The following PCDHGB3 variants were observed in gnomAD, a reference collection of about 807,000 sequenced individuals.
PCDHGB3 encodes the protein protocadherin gamma subfamily B, 3, also known as protocadherin gamma-B3.
PCDHGB3 carries 40 observed loss-of-function variants against 59.2 expected under a neutral mutation model. The observed-to-expected ratio is 0.68, with a 90% confidence interval of 0.52 to 0.88. The LOEUF (loss-of-function observed/expected upper bound fraction) is 0.88, where lower values mean the gene tolerates loss of function less well. Among genes scored for constraint, PCDHGB3 ranks in the 40% least tolerant of loss-of-function variants. The pLI is 0.00. For synonymous variants in PCDHGB3, 581 were observed against 503.6 expected (o/e 1.15, Z -2.06); for missense variants, 1,309 against 1,187.9 (o/e 1.10, Z -1.50).
chr5:141,464,063 A>G (rs893270944), intron 1 of PCDHGB3, among the ~76,000 whole-genome samples: 2 of 152,016 alleles, frequency 1.3e-5, no homozygotes, highest in Non-Finnish European at 2.9e-5. Flanking sequence ...TCAGGAGTTC[A>G]AGGCCAGCCT....
At chr5:141,376,247 T>G in intron 1 of PCDHGB3, 1 of 1,614,192 alleles carries the variant, frequency 6.2e-7, no homozygotes, top group Non-Finnish European at 8.5e-7. Flanking sequence ...CTGGCACAAG[T>G]CACGCCTGCT....
chr5:141,392,597 C>G (rs761805266), intron 1 of PCDHGB3: 11 of 501,346 alleles, frequency 2.2e-5, no homozygotes, highest in Non-Finnish European at 3.8e-5. Context: ...TGTTCACCTA[C>G]TGGAAGACAA....
intron 1 of PCDHGB3, among the ~76,000 whole-genome samples, chr5:141,454,032 C>T (rs2098780173): frequency 6.6e-6 from 1 of 152,126 alleles, no homozygotes; most frequent in Non-Finnish European, 1.5e-5. Flanking sequence ...AAGAATTGGC[C>T]AGCAAAGATA....
Position 141,414,015 on chromosome 5 carries a change from A to T in PCDHGB3, c.2415+41206A>T. ...ACAGGGACGAAGGTGCCAATGGAGA[A>T]GTGACATATTCATTCCGAAAATTAC... On this transcript the variant is annotated intron_variant, in intron 1 of 3. Coordinates refer to ENST00000576222, the MANE Select transcript of PCDHGB3 (RefSeq NM_018924.5). 6.2e-7 allele frequency: 1 copy of T among 1,613,160 alleles called. No individual in the cohort carries two copies.
chr5:141,509,810 G>T (rs1272295976), intron 3 of PCDHGB3, among the ~76,000 whole-genome samples: 1 of 152,154 alleles, frequency 6.6e-6, no homozygotes, highest in East Asian at 1.9e-4. Flanking sequence ...ATAGAGCCGA[G>T]CTCTTCTCCA....
chr5:141,482,109 C>G (rs972542276), intron 1 of PCDHGB3, among the ~76,000 whole-genome samples: 2 of 149,582 alleles, frequency 1.3e-5, no homozygotes, highest in African/African-American at 2.5e-5. Context: ...AAAAAAATAT[C>G]TAGAGATGGG....
At chr5:141,388,639 C>T (rs2091432130) in intron 1 of PCDHGB3, 1 of 1,613,944 alleles carries the variant, frequency 6.2e-7, no homozygotes, top group Non-Finnish European at 8.5e-7. Context: ...GTGAGCCTTT[C>T]AGAAAACGTG....
intron 1 of PCDHGB3, chr5:141,442,020 A>G (rs1461958612): frequency 4.6e-6 from 1 of 219,170 alleles, no homozygotes; most frequent in South Asian, 5.2e-5. Context: ...GATGGGCCAC[A>G]GGAAAGCGAC....
In PCDHGB3 at chr5:141,511,007, G is replaced by C. The variant is rs780918754; in HGVS notation, c.2624G>C (p.Arg875Pro). Residue 875 changes from arginine to proline, a missense_variant, in exon 4 of 4, where the codon CGC (arginine) becomes CCC (proline). Physicochemically the swap from Arg to Pro is moderately radical, Grantham distance 103. Coordinates refer to ENST00000576222, the MANE Select transcript of PCDHGB3 (RefSeq NM_018924.5). Reference protein sequence around the residue: ...GGAGTMGLSARYGPQFTLQHV... With the variant: ...GGAGTMGLSAPYGPQFTLQHV... ...GCCGGCACCATGGGATTGAGCGCCC[G>C]CTACGGACCCCAGTTCACCCTGCAG... The C allele has an allele frequency of 1.9e-6, 3 of 1,614,042 alleles. No homozygotes were observed. The highest frequency in any genetic ancestry group is 2.7e-5 in the African/African-American group (2 of 74,910).
chr5:141,387,471 T>C (rs1321289050), intron 1 of PCDHGB3, among the ~76,000 whole-genome samples: 3 of 152,232 alleles, frequency 2.0e-5, no homozygotes, highest in East Asian at 1.9e-4. Flanking sequence ...ATCCTCAAAG[T>C]TGGGATGAAG....
intron 1 of PCDHGB3, among the ~76,000 whole-genome samples, chr5:141,438,511 C>G (rs1436337566): frequency 6.8e-6 from 1 of 146,550 alleles, no homozygotes; most frequent in Non-Finnish European, 1.5e-5. Context: ...AGTGCAAAAC[C>G]AATTATTTTA....
intron 1 of PCDHGB3, chr5:141,409,940 C>T (rs1368587420): frequency 1.2e-5 from 19 of 1,613,118 alleles, no homozygotes; most frequent in Non-Finnish European, 1.6e-5. Context: ...TATGGTACCT[C>T]GCTCTGCAGA....
At chr5:141,419,796 T>A in intron 1 of PCDHGB3, 1 of 1,614,026 alleles carries the variant, frequency 6.2e-7, no homozygotes. Flanking sequence ...CTAGTCGCTG[T>A]AAGAGATGGA....
intron 2 of PCDHGB3, among the ~76,000 whole-genome samples, chr5:141,500,587 C>T (rs1418158417): frequency 6.6e-5 from 10 of 152,170 alleles, no homozygotes; most frequent in South Asian, 2.1e-4. Flanking sequence ...ACACTTTATT[C>T]ACATATTAAG....
intron 1 of PCDHGB3, chr5:141,394,337 C>T (rs2092979975): frequency 7.4e-6 from 12 of 1,614,148 alleles, no homozygotes; most frequent in Non-Finnish European, 1.0e-5. Flanking sequence ...TCTCCATCAA[C>T]TCTGACACCG....
intron 1 of PCDHGB3, chr5:141,389,226 C>G: frequency 6.2e-7 from 1 of 1,614,064 alleles, no homozygotes; most frequent in Non-Finnish European, 8.5e-7. Context: ...TGACAACGCT[C>G]CGGTTTTCTC....
intron 1 of PCDHGB3, chr5:141,384,871 G>C (rs769607351): frequency 6.2e-7 from 1 of 1,613,766 alleles, no homozygotes; most frequent in Non-Finnish European, 8.5e-7. Context: ...GTCAGCCACC[G>C]TCACACTCAC....
chr5:141,373,547 T>C (rs1363440300), intron 1 of PCDHGB3, among the ~76,000 whole-genome samples: 2 of 152,240 alleles, frequency 1.3e-5, no homozygotes, highest in African/African-American at 4.8e-5. Flanking sequence ...TGGTTGTTGG[T>C]ACCCTTACTG....
Position 141,432,492 on chromosome 5 carries a change from C to A in PCDHGB3, c.2415+59683C>A. On this transcript the variant is annotated intron_variant, in intron 1 of 3. Transcript: ENST00000576222. The surrounding 1 kb of genome is among the most constrained non-coding windows in gnomAD (Gnocchi z 6.0). ...GACGGTTCCACTGGCGTGGAGCTGG[C>A]TCCCCGCTCCGCAGAGCCCGGCTAC... 6.2e-7 allele frequency: 1 copy of A among 1,614,168 alleles called. No individual in the cohort carries two copies. Among genetic ancestry groups the A allele is most frequent in the Admixed American group, 1.7e-5 (1 of 60,034 alleles).
Sources: gnomAD v4.1 joint callset for allele counts (sites outside exome capture counted in the v4.1 genomes callset) on GRCh38, gnomAD v4.1.1 for gene constraint, Gnocchi (gnomAD v3.1) non-coding constraint, MANE v1.5 for transcripts, NCBI Gene and HGNC (gene_info 2026-07-23, HGNC 2026-07-21) for gene names.